Variants in PDS5A observed in about 807,000 individuals in gnomAD.
PDS5A encodes PDS5 cohesin associated factor A.
In PDS5A, 42 loss-of-function variants were observed where a neutral mutation model predicts 167.1. The ratio of observed to expected loss-of-function variants is 0.25; its 90% CI spans 0.20 to 0.33. The LOEUF (loss-of-function observed/expected upper bound fraction) is 0.33, where lower values mean the gene tolerates loss of function less well. Ranked by LOEUF, PDS5A falls within the 10% of genes least tolerant of loss-of-function variation. The pLI is 1.00. For missense variants in PDS5A, 1,033 were observed against 1,605.9 expected (o/e 0.64, Z 6.10); for synonymous variants, 553 against 554.6 (o/e 1.00, Z 0.04).
At chr4:39,904,004 T>C (rs1403090747) in intron 12 of PDS5A, 36 bp downstream of exon 12, 11 of 1,355,068 alleles carry the variant, frequency 8.1e-6, no homozygotes, top group Non-Finnish European at 7.9e-6. Flanking sequence ...AAAAGTAGTT[T>C]TACACTCAAC....
chr4:39,948,898 T>C (rs181021172), intron 2 of PDS5A, among the ~76,000 whole-genome samples: 76 of 152,208 alleles, frequency 5.0e-4, no homozygotes, highest in African/African-American at 1.8e-3. Flanking sequence ...GTTCTGGAAT[T>C]AGAGGTGTGA....
intron 11 of PDS5A, among the ~76,000 whole-genome samples, chr4:39,908,112 GTAAA>G (rs1474157780): frequency 6.6e-6 from 1 of 152,098 alleles, no homozygotes; most frequent in East Asian, 1.9e-4. Flanking sequence ...AACTCATCAT[GTAAA>G]TAAAAAGGTA....
At chr4:39,923,257 G>A (rs1725156391) in intron 5 of PDS5A, among the ~76,000 whole-genome samples, 1 of 150,964 alleles carries the variant, frequency 6.6e-6, no homozygotes, top group South Asian at 2.1e-4. Flanking sequence ...GAAACTGGGA[G>A]GCGGAGTTTG....
At chr4:39,871,549 C>T (rs969923393) in intron 21 of PDS5A, among the ~76,000 whole-genome samples, 3 of 152,022 alleles carry the variant, frequency 2.0e-5, no homozygotes, top group Non-Finnish European at 4.4e-5. Flanking sequence ...TCAAGATTAC[C>T]GAAACATGTG....
intron 17 of PDS5A, among the ~76,000 whole-genome samples, chr4:39,889,930 A>G (rs919495060): frequency 5.9e-5 from 9 of 152,252 alleles, no homozygotes; most frequent in African/African-American, 1.7e-4. Flanking sequence ...AATGCTTAAG[A>G]AAACTCAGAG....
At chr4:39,956,774 A>G (rs1235765435) in intron 2 of PDS5A, among the ~76,000 whole-genome samples, 1 of 151,844 alleles carries the variant, frequency 6.6e-6, no homozygotes, top group Non-Finnish European at 1.5e-5. Flanking sequence ...CTTGGCTTAA[A>G]CAATCCTCCT....
rs770498159 is a variant in PDS5A at position 39,849,612 on chromosome 4, C to T, written c.3127G>A (p.Glu1043Lys). 6.2e-7 allele frequency: 1 copy of T among 1,610,124 alleles called. No homozygotes were observed. The highest frequency in any genetic ancestry group is 1.7e-5 in the Admixed American group (1 of 59,976). Residue 1043 changes from glutamate to lysine, a missense_variant, in exon 27 of 33, where the codon GAA (glutamate) becomes AAA (lysine). Physicochemically the swap from Glu to Lys is moderately conservative, Grantham distance 56. Around this residue, in one of 4 missense-constraint regions of PDS5A, gnomAD observed 367 missense variants for 686.7 expected, o/e 0.53. Transcript: ENST00000303538. Reference protein sequence around the residue: ...FMLEVLMTKNENNSHAFMKKM... With the variant: ...FMLEVLMTKNKNNSHAFMKKM... ...TTCATAAAGGCATGGCTATTGTTTT[C>T]ATTCTTTGTCATTAAAACTTCAAGC...
At chr4:39,878,246 C>T (rs577877791) in intron 18 of PDS5A, among the ~76,000 whole-genome samples, 2 of 152,180 alleles carry the variant, frequency 1.3e-5, no homozygotes, top group South Asian at 2.1e-4. Context: ...TATTTACTTA[C>T]GTGGTTTTAA....
At chr4:39,864,297 TGAA>T (rs1719243928) in intron 23 of PDS5A, among the ~76,000 whole-genome samples, 1 of 151,662 alleles carries the variant, frequency 6.6e-6, no homozygotes, top group South Asian at 2.1e-4. Context: ...CAGTTAAGAG[TGAA>T]GAAGTATCAG....
intron 2 of PDS5A, chr4:39,973,089 G>T: frequency 1.2e-5 from 9 of 723,278 alleles, no homozygotes; most frequent in Non-Finnish European, 1.7e-5. Context: ...ATTTTTCTTT[G>T]GTGAAGCACA....
intron 2 of PDS5A, among the ~76,000 whole-genome samples, chr4:39,928,821 T>C (rs551199031): frequency 1.3e-4 from 17 of 131,284 alleles, no homozygotes; most frequent in African/African-American, 4.3e-4. Flanking sequence ...TGAGACACTG[T>C]CTTTAAAAAA....
chr4:39,939,671 G>A (rs1727037269), intron 2 of PDS5A, among the ~76,000 whole-genome samples: 1 of 151,836 alleles, frequency 6.6e-6, no homozygotes, highest in Non-Finnish European at 1.5e-5. Context: ...GCACACGCCT[G>A]TAGAAATCCC....
At chr4:39,831,177 C>T (rs1715828848) in intron 32 of PDS5A, among the ~76,000 whole-genome samples, 1 of 152,202 alleles carries the variant, frequency 6.6e-6, no homozygotes, top group Admixed American at 6.5e-5. Context: ...CAACCTCCGC[C>T]TCCCAAGTTC....
intron 21 of PDS5A, among the ~76,000 whole-genome samples, chr4:39,871,285 T>C (rs529784170): frequency 1.3e-5 from 2 of 152,294 alleles, no homozygotes; most frequent in East Asian, 1.9e-4. Context: ...ATACTATGTA[T>C]AGTTTATCAC....
intron 2 of PDS5A, among the ~76,000 whole-genome samples, chr4:39,946,100 G>C (rs957713867): frequency 2.0e-5 from 3 of 151,718 alleles, no homozygotes; most frequent in African/African-American, 7.3e-5. Context: ...CCATATACTT[G>C]GGAGGTTGAG....
intron 26 of PDS5A, among the ~76,000 whole-genome samples, chr4:39,850,995 A>G (rs934305642): frequency 2.0e-5 from 3 of 152,298 alleles, no homozygotes; most frequent in Non-Finnish European, 4.4e-5. Context: ...GTTTTAAGAG[A>G]CTACTGTAGC....
intron 2 of PDS5A, among the ~76,000 whole-genome samples, chr4:39,970,790 C>T (rs1258568213): frequency 7.9e-5 from 7 of 88,496 alleles, no homozygotes; most frequent in Non-Finnish European, 8.3e-5. Context: ...CCGCTTGTTC[C>T]TTTTTTTTTT....
chr4:39,874,881 A>G (rs1320373956), intron 19 of PDS5A, among the ~76,000 whole-genome samples: 1 of 152,202 alleles, frequency 6.6e-6, no homozygotes, highest in Non-Finnish European at 1.5e-5. Flanking sequence ...ATACAGCTAC[A>G]TATATATCAG....
At chr4:39,839,084 A>G (rs1474204830) in intron 31 of PDS5A, among the ~76,000 whole-genome samples, 1 of 152,190 alleles carries the variant, frequency 6.6e-6, no homozygotes, top group Non-Finnish European at 1.5e-5. Flanking sequence ...CTATGGCAAT[A>G]TGCATTTTTC....
Sources: gnomAD v4.1 joint callset for allele counts (sites outside exome capture counted in the v4.1 genomes callset) on GRCh38, gnomAD v4.1.1 for gene constraint, gnomAD v4.1.1 regional missense constraint, MANE v1.5 for transcripts, NCBI Gene and HGNC (gene_info 2026-07-23, HGNC 2026-07-21) for gene names.